AKAP7: variants seen among roughly 807,000 people sequenced by gnomAD.
The protein encoded by AKAP7 is A-kinase anchoring protein 7.
In AKAP7, 39 loss-of-function variants were observed where a neutral mutation model predicts 39.5. That is an observed-to-expected ratio of 0.99 (90% confidence interval 0.76 to 1.29). The LOEUF (loss-of-function observed/expected upper bound fraction) is 1.29. Among genes scored for constraint, AKAP7 ranks in the 50% most tolerant of loss-of-function variants. The probability of loss-of-function intolerance (pLI) is 0.00; values close to 1 mark genes in which losing one functional copy is unlikely to be tolerated. For synonymous variants in AKAP7, 140 were observed against 139.1 expected, an observed-to-expected ratio of 1.01 and a Z score of -0.05; for missense variants, 414 against 407.7, an observed-to-expected ratio of 1.02 and a Z score of -0.13.
At chr6:131,183,962 G>T (rs1213735418) in intron 5 of AKAP7, among the ~76,000 whole-genome samples, 1 of 152,314 alleles carries the variant, frequency 6.6e-6, no homozygotes, top group East Asian at 1.9e-4. Flanking sequence ...AGTGGAGGCA[G>T]AACAGAGAGA....
At chr6:131,135,977 G>C (rs1353807637) in intron 1 of AKAP7, among the ~76,000 whole-genome samples, 195 bp downstream of exon 1, 1 of 152,040 alleles carries the variant, frequency 6.6e-6, no homozygotes, top group African/African-American at 2.4e-5. Context: ...TGCCTGTAGC[G>C]AAGCGTTTTA....
chr6:131,144,043 A>T (rs1045312974), intron 1 of AKAP7, among the ~76,000 whole-genome samples: 5 of 137,730 alleles, frequency 3.6e-5, no homozygotes, highest in Non-Finnish European at 6.2e-5. Flanking sequence ...CCCTGAGTGG[A>T]CACAGCACAT....
At chr6:131,240,534 T>C (rs1017987198) in intron 7 of AKAP7, among the ~76,000 whole-genome samples, 1 of 152,208 alleles carries the variant, frequency 6.6e-6, no homozygotes, top group African/African-American at 2.4e-5. Context: ...GCAGGCCTCC[T>C]TGAGCTGCTG....
chr6:131,197,133 A>C (rs1807018129), intron 5 of AKAP7, among the ~76,000 whole-genome samples: 1 of 152,000 alleles, frequency 6.6e-6, no homozygotes, highest in Admixed American at 6.6e-5. Flanking sequence ...TGCTTAATGG[A>C]TCATGGCCAT....
At chr6:131,230,237 T>C (rs1488848647) in intron 7 of AKAP7, among the ~76,000 whole-genome samples, 1 of 152,248 alleles carries the variant, frequency 6.6e-6, no homozygotes, top group Non-Finnish European at 1.5e-5. Context: ...TTCCCTTTTC[T>C]CTGCAGCCTG....
At chr6:131,255,058 CA>C (rs1430977462) in intron 7 of AKAP7, among the ~76,000 whole-genome samples, 1 of 152,042 alleles carries the variant, frequency 6.6e-6, no homozygotes, top group Non-Finnish European at 1.5e-5. Context: ...TTAGATTTTC[CA>C]ATTACCTAGA....
intron 7 of AKAP7, among the ~76,000 whole-genome samples, chr6:131,245,237 T>G (rs946647278): frequency 1.3e-5 from 2 of 151,574 alleles, no homozygotes; most frequent in African/African-American, 2.4e-5. Context: ...TATTGAGAGT[T>G]GAATTCTTTT....
chr6:131,226,573 C>A (rs1810183883), intron 7 of AKAP7, among the ~76,000 whole-genome samples: 2 of 152,208 alleles, frequency 1.3e-5, no homozygotes, highest in African/African-American at 4.8e-5. Flanking sequence ...GAGCTACTTA[C>A]TCGAGTTGGG....
chr6:131,211,705 G>A lies in AKAP7; in HGVS notation c.703-7956G>A, dbSNP rs535663599. Among the ~76,000 whole-genome samples, 6 of 149,704 alleles carry A rather than the reference G, an allele frequency of 4.0e-5. No individual in the cohort carries two copies. The South Asian group carries it at 1.3e-3, about 32-fold the overall frequency. Reference sequence around the variant, plus strand: ...GGGGAATGGCGAGAACCCGGGAGACGGAGGTTGCAGTGAGCCGAGATCACG... The same window carrying A: ...GGGGAATGGCGAGAACCCGGGAGACAGAGGTTGCAGTGAGCCGAGATCACG... On this transcript the variant is annotated intron_variant, in intron 6 of 7. Coordinates refer to ENST00000431975, the MANE Select transcript of AKAP7 (RefSeq NM_016377.4).
In AKAP7 at chr6:131,241,161, T is replaced by C. The variant is rs185464522; in HGVS notation, c.850+21353T>C. Among the ~76,000 whole-genome samples the C allele has an allele frequency of 1.1e-4, 17 of 152,224 alleles. No homozygotes were observed. The East Asian group carries it at 3.3e-3, about 29-fold the overall frequency. On this transcript the variant is annotated intron_variant, in intron 7 of 7. Coordinates refer to ENST00000431975, the MANE Select transcript of AKAP7 (RefSeq NM_016377.4). ...TATTTAAGAAAAGACACTCTGCTGG[T>C]ACAGTATAAGCACGATGGTTGAGGG...
chr6:131,158,189 A>G (rs183962362), intron 2 of AKAP7, among the ~76,000 whole-genome samples: 1 of 152,364 alleles, frequency 6.6e-6, no homozygotes, highest in Admixed American at 6.5e-5. Context: ...GAACTTCAGT[A>G]GAGAAGCAAT....
At chr6:131,228,028 A>AC (rs1310481965) in intron 7 of AKAP7, among the ~76,000 whole-genome samples, 1 of 151,992 alleles carries the variant, frequency 6.6e-6, no homozygotes, top group Non-Finnish European at 1.5e-5. Flanking sequence ...GACTGAGGAG[A>AC]CCCTCTTCTC....
chr6:131,271,197 A>T (rs1814244507), intron 7 of AKAP7, among the ~76,000 whole-genome samples: 1 of 152,138 alleles, frequency 6.6e-6, no homozygotes, highest in Non-Finnish European at 1.5e-5. Context: ...TATACTTACA[A>T]AGCTCTCGTA....
chr6:131,185,037 T>A, intron 5 of AKAP7: 1 of 733,000 alleles, frequency 1.4e-6, no homozygotes, highest in Non-Finnish European at 2.6e-6. Context: ...CTTTCGTGCT[T>A]GACTGTTTGT....
intron 7 of AKAP7, among the ~76,000 whole-genome samples, chr6:131,222,488 C>T (rs1462611808): frequency 1.3e-5 from 2 of 152,022 alleles, no homozygotes; most frequent in Non-Finnish European, 2.9e-5. Flanking sequence ...GATCACACCA[C>T]TGCACTCCAG....
chr6:131,154,868 G>T (rs764812334), intron 2 of AKAP7, among the ~76,000 whole-genome samples: 1 of 152,056 alleles, frequency 6.6e-6, no homozygotes, highest in Non-Finnish European at 1.5e-5. Flanking sequence ...GTATGTGTAT[G>T]TGTGTGTTTA....
At chr6:131,234,276 G>A (rs559417988) in intron 7 of AKAP7, among the ~76,000 whole-genome samples, 1 of 152,302 alleles carries the variant, frequency 6.6e-6, no homozygotes, top group South Asian at 2.1e-4. Context: ...ATCAAAGATG[G>A]TAGGCAAACA....
intron 7 of AKAP7, among the ~76,000 whole-genome samples, chr6:131,237,898 T>TA (rs1433010276): frequency 2.0e-5 from 3 of 152,332 alleles, no homozygotes; most frequent in African/African-American, 7.2e-5. Flanking sequence ...TTTGTGTCTC[T>TA]ATTTCCTTCA....
rs545915300 is a variant in AKAP7 at position 131,254,663 on chromosome 6, A to T, written c.851-26867A>T. 1.8e-4 allele frequency among the ~76,000 whole-genome samples: 27 copies of T among 152,340 alleles called. No homozygotes were observed. In the South Asian group the frequency reaches 2.9e-3, roughly 16 times the overall value. On this transcript the variant is annotated intron_variant, in intron 7 of 7. Coordinates refer to ENST00000431975, the MANE Select transcript of AKAP7 (RefSeq NM_016377.4). ...AAGTATTCAAGGACAGGATGGGGACATCATAAGGACATCACCTTCTAGGGA... is the reference window on the plus strand; with the variant it reads ...AAGTATTCAAGGACAGGATGGGGACTTCATAAGGACATCACCTTCTAGGGA...
Sources: allele counts gnomAD v4.1 joint callset (sites outside exome capture counted in the v4.1 genomes callset), GRCh38; gene constraint gnomAD v4.1.1; transcripts MANE v1.5; gene names NCBI Gene and HGNC (gene_info 2026-07-23, HGNC 2026-07-21).